PTS: variants seen among roughly 807,000 people sequenced by gnomAD.
PTS encodes 6-pyruvoyltetrahydropterin synthase, also known as 6-pyruvoyl tetrahydrobiopterin synthase.
PTS carries 23 observed loss-of-function variants against 20.6 expected under a neutral mutation model. The ratio of observed to expected loss-of-function variants is 1.12; its 90% CI spans 0.80 to 1.58. The LOEUF (loss-of-function observed/expected upper bound fraction) is 1.58. PTS is among the 40% of genes most tolerant of loss of function. The probability of loss-of-function intolerance (pLI) is 0.00; values close to 1 mark genes in which losing one functional copy is unlikely to be tolerated. For missense variants in PTS, 186 were observed against 182.4 expected (o/e 1.02, Z -0.11); for synonymous variants, 65 against 62.5 (o/e 1.04, Z -0.19).
rs1241416083 is a variant in PTS at position 112,230,645 on chromosome 11, T to C, written c.206T>C (p.Met69Thr). 6.2e-7 allele frequency: 1 copy of C among 1,611,250 alleles called. No homozygotes were observed. The highest frequency in any genetic ancestry group is 8.5e-7 in the Non-Finnish European group (1 of 1,177,360). The change falls in exon 4 of 6, where the codon ATG (methionine) becomes ACG (threonine). Residue 69 changes from methionine to threonine, a missense_variant. Met to Thr is a moderately conservative substitution (Grantham distance 81). Coordinates refer to ENST00000280362, the MANE Select transcript of PTS (RefSeq NM_000317.3). ...CTTTAGATTGACCCTGCTACGGGAA[T>C]GGTTATGAATCTGGCTGATCTCAAA... ...VHGEIDPATGMVMNLADLKKY... is the reference protein window; with the variant it reads ...VHGEIDPATGTVMNLADLKKY...
intron 4 of PTS, among the ~76,000 whole-genome samples, chr11:112,232,178 A>G (rs1241281265): frequency 6.6e-6 from 1 of 152,110 alleles, no homozygotes; most frequent in East Asian, 1.9e-4. Context: ...CAGGAGTTCA[A>G]GGCTGCAGTG....
chr11:112,226,667 G>T (rs930870904), intron 1 of PTS, 141 bp downstream of exon 1: 2 of 534,380 alleles, frequency 3.7e-6, no homozygotes, highest in Non-Finnish European at 5.8e-6. Context: ...GGTCGGCTTC[G>T]TGGGGCTTCG....
In PTS at chr11:112,233,703, C is replaced by A. The variant is rs910098440; in HGVS notation, c.*148C>A. 83 of 1,178,776 alleles carry A rather than the reference C, an allele frequency of 7.0e-5. No homozygotes were observed. The highest frequency in any genetic ancestry group is 8.7e-5 in the Non-Finnish European group (77 of 880,076). 73.0% of individuals were successfully genotyped at this position (1,178,776 alleles called of 1,614,324 possible). On this transcript the variant is annotated 3_prime_UTR_variant, in exon 6 of 6. Transcript: ENST00000280362. ...CCTATTTATTGAAATCATTGTAAGACCTGTTATAAATTTAAGTCTATTTAA... is the reference window on the plus strand; with the variant it reads ...CCTATTTATTGAAATCATTGTAAGAACTGTTATAAATTTAAGTCTATTTAA...
In PTS at chr11:112,226,435, G is replaced by A. The variant is rs532103622; in HGVS notation, c.-9G>A. 2 of 1,574,294 alleles carry A rather than the reference G, an allele frequency of 1.3e-6. No homozygotes were observed. The highest frequency in any genetic ancestry group is 1.2e-5 in the South Asian group (1 of 85,788). On this transcript the variant is annotated 5_prime_UTR_variant, in exon 1 of 6. Coordinates refer to ENST00000280362, the MANE Select transcript of PTS (RefSeq NM_000317.3). Reference sequence around the variant, plus strand: ...GTGCCGGCCGAGCACCGCAGACAGCGCCGGGAAGATGAGCACGGAAGGTGG... The same window carrying A: ...GTGCCGGCCGAGCACCGCAGACAGCACCGGGAAGATGAGCACGGAAGGTGG...
chr11:112,233,121 G>A (rs1000143269), intron 4 of PTS, 42 bp from the exon 5 acceptor site: 20 of 1,563,980 alleles, frequency 1.3e-5, no homozygotes, highest in African/African-American at 1.1e-4. Context: ...AATTTGAGTC[G>A]TAAATGGAGT....
At position 112,230,640 on chromosome 11, in the gene PTS, G is replaced by A. The variant is rs768800310; in HGVS notation, c.201G>A (p.Thr67=). ...TTATTCTTTAGATTGACCCTGCTAC[G>A]GGAATGGTTATGAATCTGGCTGATC... is the stretch of plus-strand genomic sequence containing the variant. The part of the protein sequence containing the change: ...VTVHGEIDPA[T]GMVMNLADLK... The change falls in exon 4 of 6, where the codon ACG becomes ACA. Residue 67 remains threonine (T), a synonymous_variant. Coordinates refer to ENST00000280362, the MANE Select transcript of PTS (RefSeq NM_000317.3). The A allele has an allele frequency of 4.3e-6, 7 of 1,610,738 alleles. No individual in the cohort carries two copies. The highest frequency in any genetic ancestry group is 1.1e-5 in the South Asian group (1 of 91,004).
chr11:112,226,854 A>AC (rs1370267739), intron 1 of PTS, among the ~76,000 whole-genome samples: 1 of 151,354 alleles, frequency 6.6e-6, no homozygotes, highest in African/African-American at 2.4e-5. Flanking sequence ...CTTGGTGTAG[A>AC]CCACAGGGTT....
rs1354622756 is a variant in PTS, at chr11:112,228,177, T to C, written c.84-417T>C. The C allele has an allele frequency of 2.2e-5, 4 of 179,376 alleles. No homozygotes were observed. In the South Asian group the frequency reaches 3.6e-4, roughly 16 times the overall value. 11.1% of individuals were successfully genotyped at this position (179,376 alleles called of 1,614,324 possible). A position where few individuals can be genotyped will look rare whatever the true frequency, so the allele number is the denominator to read the frequency against. ...AATTATTTTTTCTGGATGAGTAGTT[T>C]AGCTTCTGAGAGAAATGAGATAGTA... is the stretch of plus-strand genomic sequence containing the variant. On this transcript the variant is annotated intron_variant, in intron 1 of 5. Transcript: ENST00000280362.
In PTS at chr11:112,233,573, G is replaced by T; in HGVS notation, c.*18G>T. On this transcript the variant is annotated 3_prime_UTR_variant, in exon 6 of 6. Transcript: ENST00000280362. Reference sequence around the variant, plus strand: ...GAGAATAGCTATTGGGGTTAGCATTGCACAAAGCCCAGTTTCTTTCTGTGT... The same window carrying T: ...GAGAATAGCTATTGGGGTTAGCATTTCACAAAGCCCAGTTTCTTTCTGTGT... 1 of 1,612,922 alleles carries T rather than the reference G, an allele frequency of 6.2e-7. No individual in the cohort carries two copies. Among genetic ancestry groups the T allele is most frequent in the Non-Finnish European group, 8.5e-7 (1 of 1,179,522 alleles).
chr11:112,233,537 G>A lies in PTS; in HGVS notation c.420G>A (p.Val140=), dbSNP rs146364246. The part of the protein sequence containing the change: ...VKVYETDNNI[V]VYKGE ...TATACGAAACTGACAATAATATTGT[G>A]GTTTATAAAGGAGAATAGCTATTGG... The change falls in exon 6 of 6, where the codon GTG becomes GTA. Residue 140 remains valine (V), a synonymous_variant. Coordinates refer to ENST00000280362, the MANE Select transcript of PTS (RefSeq NM_000317.3). 6.2e-7 allele frequency: 1 copy of A among 1,613,210 alleles called. No individual in the cohort carries two copies.
chr11:112,231,850 G>A lies in PTS; in HGVS notation c.243+1168G>A, dbSNP rs570719911. 1.5e-4 allele frequency among the ~76,000 whole-genome samples: 22 copies of A among 149,720 alleles called. No homozygotes were observed. In the East Asian group the frequency reaches 4.3e-3, roughly 29 times the overall value. Reference sequence around the variant, plus strand: ...GGGCCAGCATGCATTTATGGGGCAGGGGTTGGGGGGCAGGCGGAGAGAGAG... The same window carrying A: ...GGGCCAGCATGCATTTATGGGGCAGAGGTTGGGGGGCAGGCGGAGAGAGAG... On this transcript the variant is annotated intron_variant, in intron 4 of 5. Transcript: ENST00000280362.
rs763556416 is a variant in PTS, at chr11:112,228,642, C to T, written c.132C>T (p.Asn44=). 4.6e-5 allele frequency: 74 copies of T among 1,605,990 alleles called. 1 individual carries two copies. The East Asian group carries it at 1.5e-3, about 33-fold the overall frequency. The change falls in exon 2 of 6, where the codon AAC becomes AAT. Residue 44 remains asparagine (N), a synonymous_variant. Coordinates refer to ENST00000280362, the MANE Select transcript of PTS (RefSeq NM_000317.3). The stretch of plus-strand genomic sequence containing the variant: ...ACTTGAAACTGTTTGGGAAATGCAA[C>T]AATCCAAATGGCCATGGGCACAATT... ...EENLKLFGKC[N]NPNGHGHNYK...
chr11:112,228,948 C>A, intron 2 of PTS: 1 of 447,322 alleles, frequency 2.2e-6, no homozygotes, highest in South Asian at 2.9e-5. Flanking sequence ...AAGTTTCTTT[C>A]TGATTAGGTA....
Position 112,226,516 on chromosome 11 carries a change from C to CGAT in PTS, c.74_76dup (p.Arg25_Leu26insTer), listed in dbSNP as rs765777664. 1.3e-6 allele frequency: 2 copies of CGAT among 1,583,056 alleles called. No individual in the cohort carries two copies. The highest frequency in any genetic ancestry group is 2.7e-5 in the African/African-American group (2 of 74,724). On this transcript the variant is annotated stop_gained and inframe_insertion, in exon 1 of 6. Transcript: ENST00000280362. LOFTEE classifies it high-confidence loss of function. ...CCGCATCTCCTTCAGCGCGAGCCAC[C>CGAT]GATTGTACAGGTAGGGTGTGCACAC...
At chr11:112,227,345 G>A (rs889721567) in intron 1 of PTS, among the ~76,000 whole-genome samples, 1 of 152,046 alleles carries the variant, frequency 6.6e-6, no homozygotes, top group African/African-American at 2.4e-5. Context: ...CTTGTATGGG[G>A]TTTCCAATCT....
intron 5 of PTS, 62 bp from the exon 6 acceptor site, chr11:112,233,370 A>G: frequency 1.3e-6 from 2 of 1,543,624 alleles, no homozygotes. Flanking sequence ...TGTAAATATT[A>G]AACATGAAAT....
intron 1 of PTS, 58 bp downstream of exon 1, chr11:112,226,584 C>G (rs1398966532): frequency 2.1e-5 from 30 of 1,441,930 alleles, no homozygotes; most frequent in Non-Finnish European, 2.3e-5. Flanking sequence ...CGGAACGTCA[C>G]CGGGGCGGGG....
chr11:112,226,676 CG>C (rs1859869699), intron 1 of PTS, 150 bp downstream of exon 1: 1 of 486,524 alleles, frequency 2.1e-6, no homozygotes, highest in African/African-American at 2.1e-5. Context: ...CGTGGGGCTT[CG>C]GACGGCCTCC....
intron 1 of PTS, 39 bp downstream of exon 1, chr11:112,226,565 G>GCCGGGCC (rs1281913675): frequency 2.7e-6 from 4 of 1,483,106 alleles, no homozygotes; most frequent in Non-Finnish European, 1.8e-6. Flanking sequence ...GGCGGTGGGC[G>GCCGGGCC]CCGGGCCCCG....
Sources: gnomAD v4.1 joint callset for allele counts (sites outside exome capture counted in the v4.1 genomes callset) on GRCh38, gnomAD v4.1.1 for gene constraint, MANE v1.5 for transcripts, NCBI Gene and HGNC (gene_info 2026-07-23, HGNC 2026-07-21) for gene names.